Variants in IGFN1 observed in about 807,000 individuals in gnomAD.
IGFN1 encodes immunoglobulin-like and fibronectin type III domain-containing protein 1.
Under a neutral mutation model 289.5 loss-of-function variants are expected in IGFN1, and 253 were observed. The ratio of observed to expected loss-of-function variants is 0.87; its 90% CI spans 0.79 to 0.97. The LOEUF (loss-of-function observed/expected upper bound fraction) is 0.97, where lower values mean the gene tolerates loss of function less well. Among genes scored for constraint, IGFN1 ranks in the 50% least tolerant of loss-of-function variants. The probability of loss-of-function intolerance (pLI) is 0.00; values close to 1 mark genes in which losing one functional copy is unlikely to be tolerated. For missense variants in IGFN1, 4,470 were observed against 4,686.1 expected, an observed-to-expected ratio of 0.95 and a Z score of 1.35; for synonymous variants, 1,706 against 1,788.5, an observed-to-expected ratio of 0.95 and a Z score of 1.16.
At position 201,206,730 on chromosome 1, in the gene IGFN1, T is replaced by A; in HGVS notation, c.1837T>A (p.Cys613Ser). Residue 613 changes from cysteine (C) to serine (S), a missense_variant, in exon 12 of 24, where the codon TGC (cysteine) becomes AGC (serine). Cys to Ser is a moderately radical substitution (Grantham distance 112). Transcript: ENST00000335211. ...PGRGKSDLQGCQSDPVGSWPR... is the reference protein window; with the variant it reads ...PGRGKSDLQGSQSDPVGSWPR... ...GAGAGGAAAGAGCGACCTGCAGGGA[T>A]GCCAGTCTGATCCTGTAGGGTCCTG... 1 of 1,536,774 alleles carries A rather than the reference T, an allele frequency of 6.5e-7. No individual in the cohort carries two copies. Among genetic ancestry groups the A allele is most frequent in the Non-Finnish European group, 8.7e-7 (1 of 1,146,894 alleles).
At chr1:201,191,182 G>A (rs1323528412) in intron 1 of IGFN1, among the ~76,000 whole-genome samples, 1 of 152,210 alleles carries the variant, frequency 6.6e-6, no homozygotes, top group Non-Finnish European at 1.5e-5. Flanking sequence ...GACTTTGGGT[G>A]TGATACGATG....
chr1:201,207,976 C>T lies in IGFN1; in HGVS notation c.3083C>T (p.Pro1028Leu), dbSNP rs1363646799. Residue 1028 changes from proline (P) to leucine (L), a missense_variant, in exon 12 of 24, where the codon CCT (proline) becomes CTT (leucine). Around this residue, in one of 8 missense-constraint regions of IGFN1, gnomAD observed 2,011 missense variants for 1,953.4 expected, o/e 1.03. Transcript: ENST00000335211. ...GVWSGNEDSG[P>L]AGGGSGRVAS... ...TGGTCTGGAAATGAAGATTCTGGCC[C>T]TGCAGGAGGAGGGTCTGGGAGAGTT... The T allele has an allele frequency of 6.5e-7, 1 of 1,536,902 alleles. No individual in the cohort carries two copies. Among genetic ancestry groups the T allele is most frequent in the Admixed American group, 2.0e-5 (1 of 50,978 alleles).
chr1:201,216,388 G>A (rs1653286529), intron 15 of IGFN1, 66 bp from the exon 16 acceptor site: 3 of 1,347,764 alleles, frequency 2.2e-6, no homozygotes, highest in South Asian at 1.5e-5. Flanking sequence ...AGTTGGGGGG[G>A]TTGGCGCTGC....
At chr1:201,227,948 A>G (rs1237101753) in intron 23 of IGFN1, among the ~76,000 whole-genome samples, 2 of 152,236 alleles carry the variant, frequency 1.3e-5, no homozygotes, top group Non-Finnish European at 2.9e-5. Flanking sequence ...TCTCCTTTTC[A>G]GTAGCACAGA....
At chr1:201,223,452 C>A (rs1470331879) in intron 20 of IGFN1, among the ~76,000 whole-genome samples, 2 of 152,076 alleles carry the variant, frequency 1.3e-5, no homozygotes, top group East Asian at 1.9e-4. Context: ...CTTACTGCAA[C>A]CTCCACCTCC....
chr1:201,216,136 G>A, intron 15 of IGFN1: 1 of 644,862 alleles, frequency 1.6e-6, no homozygotes, highest in Non-Finnish European at 2.8e-6. Flanking sequence ...CCTGAGTGGT[G>A]CCAGCAAGGT....
chr1:201,221,668 C>A lies in IGFN1; in HGVS notation c.10123C>A (p.Arg3375=). The part of the protein sequence containing the change: ...GLRPGEGYFV[R]VTAVNEGGQS... ...TCGGCCTGGAGAGGGCTACTTCGTGCGGGTGACAGCAGTTAATGAAGGAGG... is the reference window on the plus strand; with the variant it reads ...TCGGCCTGGAGAGGGCTACTTCGTGAGGGTGACAGCAGTTAATGAAGGAGG... The change falls in exon 19 of 24, where the codon CGG becomes AGG. Residue 3375 remains arginine (R), a synonymous_variant. Coordinates refer to ENST00000335211, the MANE Select transcript of IGFN1 (RefSeq NM_001164586.2). 6.2e-7 allele frequency: 1 copy of A among 1,613,994 alleles called. No individual in the cohort carries two copies. The highest frequency in any genetic ancestry group is 8.5e-7 in the Non-Finnish European group (1 of 1,179,916).
chr1:201,204,897 G>T (rs1571445699), intron 10 of IGFN1, among the ~76,000 whole-genome samples, 185 bp from the exon 11 acceptor site: 2 of 152,234 alleles, frequency 1.3e-5, no homozygotes, highest in East Asian at 3.9e-4. Flanking sequence ...GCTCATAACT[G>T]TAGCCCCTCA....
intron 7 of IGFN1, 31 bp from the exon 8 acceptor site, chr1:201,200,206 T>C (rs1200816512): frequency 2.5e-5 from 39 of 1,538,938 alleles, no homozygotes; most frequent in Non-Finnish European, 3.3e-5. Context: ...GGGATTCCTC[T>C]GGCCTCTGAC....
chr1:201,207,817 A>G lies in IGFN1; in HGVS notation c.2924A>G (p.Tyr975Cys). The G allele has an allele frequency of 3.3e-6, 5 of 1,536,020 alleles. No homozygotes were observed. Among genetic ancestry groups the G allele is most frequent in the Non-Finnish European group, 4.4e-6 (5 of 1,146,264 alleles). ...ISSKSGAGYSYGSGVPGEMGS... is the reference protein window; with the variant it reads ...ISSKSGAGYSCGSGVPGEMGS... ...TCTAAAAGCGGGGCTGGTTATAGCT[A>G]TGGCTCAGGGGTTCCAGGAGAAATG... Residue 975 changes from tyrosine to cysteine, a missense_variant, in exon 12 of 24, where the codon TAT becomes TGT. This residue lies in a region of IGFN1 where 2,011 missense variants were observed against 1,953.4 expected (regional missense o/e 1.03). Coordinates refer to ENST00000335211, the MANE Select transcript of IGFN1 (RefSeq NM_001164586.2).
At position 201,207,472 on chromosome 1, in the gene IGFN1, G is replaced by T. The variant is rs1667480723; in HGVS notation, c.2579G>T (p.Gly860Val). Residue 860 changes from glycine to valine, a missense_variant, in exon 12 of 24, where the codon GGG becomes GTG. Gly to Val is a moderately radical substitution (Grantham distance 109). Transcript: ENST00000335211. ...TGAHHGPGVL[G>V]PSGGQEGMGG... ...GCCCACCATGGGCCTGGAGTGCTGG[G>T]GCCCAGTGGAGGACAAGAGGGTATG... 6.5e-7 allele frequency: 1 copy of T among 1,531,024 alleles called. No individual in the cohort carries two copies. The highest frequency in any genetic ancestry group is 2.0e-5 in the Admixed American group (1 of 50,296). 94.8% of individuals were successfully genotyped at this position (1,531,024 alleles called of 1,614,324 possible).
chr1:201,201,885 C>T, intron 9 of IGFN1, 53 bp downstream of exon 9: 1 of 871,730 alleles, frequency 1.1e-6, no homozygotes, highest in Admixed American at 2.0e-5. Context: ...TGCTTCAGGT[C>T]TAGTGGAGAG....
Position 201,212,274 on chromosome 1 carries a change from C to T in IGFN1, c.7381C>T (p.Arg2461Ter), listed in dbSNP as rs563054966. Residue 2461 changes from arginine (R) to a stop codon, truncating the protein, a stop_gained, in exon 12 of 24, where the codon CGA becomes TGA. Coordinates refer to ENST00000335211, the MANE Select transcript of IGFN1 (RefSeq NM_001164586.2). LOFTEE classifies it high-confidence loss of function. ...AGGGCGACAGACTCTTTCAGATGAG[C>T]GAGGCTCCACCAAAGATCTTGGGGG... ...QGGRQTLSDE[R>*]GSTKDLGGYG... The T allele has an allele frequency of 6.8e-5, 104 of 1,535,768 alleles. No homozygotes were observed. The highest frequency in any genetic ancestry group is 8.7e-5 in the Non-Finnish European group (100 of 1,146,476).
chr1:201,199,192 T>A, intron 5 of IGFN1, 142 bp from the exon 6 acceptor site: 1 of 727,842 alleles, frequency 1.4e-6, no homozygotes. Context: ...TCCCTCTTGC[T>A]GGGATCGTCC....
Position 201,212,871 on chromosome 1 carries a change from G to A in IGFN1, c.7978G>A (p.Ala2660Thr), listed in dbSNP as rs550723081. Reference sequence around the variant, plus strand: ...CGGTTCTCTGCAGGAGAAAGATGCCGCTTTTGGTGGGACCCATGAAGGGCC... The same window carrying A: ...CGGTTCTCTGCAGGAGAAAGATGCCACTTTTGGTGGGACCCATGAAGGGCC... ...ASGSLQEKDA[A>T]FGGTHEGPGG... is the part of the protein sequence containing the mutation. Residue 2660 changes from alanine (A) to threonine (T), a missense_variant, in exon 12 of 24, where the codon GCT becomes ACT. Physicochemically the swap from Ala to Thr is moderately conservative, Grantham distance 58. Coordinates refer to ENST00000335211, the MANE Select transcript of IGFN1 (RefSeq NM_001164586.2). The A allele has an allele frequency of 4.5e-5, 70 of 1,551,270 alleles. No individual in the cohort carries two copies. The highest frequency in any genetic ancestry group is 3.2e-4 in the South Asian group (27 of 84,048).
intron 10 of IGFN1, 121 bp downstream of exon 10, chr1:201,204,027 G>T: frequency 1.1e-6 from 1 of 931,354 alleles, no homozygotes; most frequent in Non-Finnish European, 1.6e-6. Context: ...AAAGACAATT[G>T]GGAGAGGGAC....
intron 4 of IGFN1, among the ~76,000 whole-genome samples, chr1:201,196,476 C>G (rs548764199): frequency 4.6e-5 from 7 of 152,178 alleles, no homozygotes; most frequent in Non-Finnish European, 8.8e-5. Context: ...TCCCAAGTAG[C>G]TGAGATTACA....
chr1:201,227,339 A>G, intron 23 of IGFN1, 131 bp downstream of exon 23: 1 of 618,942 alleles, frequency 1.6e-6, no homozygotes, highest in Non-Finnish European at 2.7e-6. Flanking sequence ...TCTCTGCCTG[A>G]CTCTATGAAC....
At position 201,213,460 on chromosome 1, in the gene IGFN1, T is replaced by C. The variant is rs561813872; in HGVS notation, c.8567T>C (p.Met2856Thr). The stretch of plus-strand genomic sequence containing the variant: ...GAGAACTGGGGGTGCCTGGAGGAGA[T>C]GCTGAATGAAGATCAGAGCCGGGAG... ...MGENWGCLEE[M>T]LNEDQSREPP... The change falls in exon 12 of 24, where the codon ATG becomes ACG. Residue 2856 changes from methionine (M) to threonine (T), a missense_variant. Coordinates refer to ENST00000335211, the MANE Select transcript of IGFN1 (RefSeq NM_001164586.2). 7.1e-5 allele frequency: 114 copies of C among 1,613,866 alleles called. No homozygotes were observed. Among genetic ancestry groups the C allele is most frequent in the East Asian group, 5.8e-4 (26 of 44,870 alleles).
Sources: allele counts gnomAD v4.1 joint callset (sites outside exome capture counted in the v4.1 genomes callset), GRCh38; gene constraint gnomAD v4.1.1; regional missense constraint gnomAD v4.1.1; transcripts MANE v1.5; gene names NCBI Gene and HGNC (gene_info 2026-07-23, HGNC 2026-07-21).